The following DCX variants were observed in gnomAD, a reference collection of about 807,000 sequenced individuals.
The protein encoded by DCX is doublecortin.
In DCX, 4 loss-of-function variants were observed where a neutral mutation model predicts 20.9. The ratio of observed to expected loss-of-function variants is 0.19; its 90% CI spans 0.09 to 0.44. The LOEUF (loss-of-function observed/expected upper bound fraction) is 0.44. DCX is among the 20% of genes least tolerant of loss of function. DCX has a pLI of 0.99. For missense variants in DCX, 133 were observed against 296.9 expected (o/e 0.45, Z 4.06); for synonymous variants, 103 against 111.4 (o/e 0.92, Z 0.47).
At chrX:111,402,939 C>A (rs1049263488) in intron 2 of DCX, among the ~76,000 whole-genome samples, 1 of 110,182 alleles carries the variant, frequency 9.1e-6, no homozygotes, top group African/African-American at 3.3e-5. Context: ...AGGATAGGCA[C>A]CCTTACCCAC....
At chrX:111,390,232 G>T (rs1327574002) in intron 3 of DCX, among the ~76,000 whole-genome samples, 2 of 111,613 alleles carry the variant, frequency 1.8e-5, no homozygotes, top group East Asian at 5.7e-4. Flanking sequence ...GAAGGACATG[G>T]GAATTGAAAT....
At chrX:111,374,673 C>A (rs936029040) in intron 3 of DCX, among the ~76,000 whole-genome samples, 1 of 110,279 alleles carries the variant, frequency 9.1e-6, no homozygotes, top group African/African-American at 3.3e-5. Context: ...TCTCAACTAG[C>A]ACCTTTCTCC....
chrX:111,319,364 A>G (rs1207501895), intron 5 of DCX, among the ~76,000 whole-genome samples: 2 of 111,073 alleles, frequency 1.8e-5, no homozygotes, highest in Non-Finnish European at 3.8e-5. Flanking sequence ...AATGAACACC[A>G]TGGTAGATAG....
intron 3 of DCX, among the ~76,000 whole-genome samples, chrX:111,361,377 G>T (rs1924194480): frequency 8.9e-6 from 1 of 111,982 alleles, no homozygotes; most frequent in South Asian, 3.7e-4. Context: ...CTAGTAAGAG[G>T]AATTTTTGTT....
chrX:111,320,090 A>G (rs2095082961), intron 5 of DCX, among the ~76,000 whole-genome samples: 1 of 112,666 alleles, frequency 8.9e-6, no homozygotes, highest in African/African-American at 3.2e-5. Context: ...GTAAAAATGC[A>G]GACACTTTGT....
At chrX:111,368,901 T>TATATATACAC (rs1467693516) in intron 3 of DCX, among the ~76,000 whole-genome samples, 3 of 98,265 alleles carry the variant, frequency 3.1e-5, no homozygotes, top group African/African-American at 1.1e-4. Context: ...TATATATACA[T>TATATATACAC]ACACACACAC....
intron 3 of DCX, among the ~76,000 whole-genome samples, chrX:111,333,681 C>T (rs751649876): frequency 8.9e-6 from 1 of 111,877 alleles, no homozygotes; most frequent in African/African-American, 3.2e-5. Context: ...AAAAGCTGGC[C>T]GAAAACTTGG....
At chrX:111,312,083 G>A (rs1266699307) in intron 6 of DCX, among the ~76,000 whole-genome samples, 3 of 112,705 alleles carry the variant, frequency 2.7e-5, no homozygotes, top group Non-Finnish European at 3.7e-5. Flanking sequence ...AGTTTAAGGG[G>A]TATACATGGT....
At chrX:111,323,706 G>T (rs1603414400) in intron 5 of DCX, among the ~76,000 whole-genome samples, 4 of 106,163 alleles carry the variant, frequency 3.8e-5, no homozygotes, top group African/African-American at 1.4e-4. Context: ...CATTATTATG[G>T]CAGGGGAAGC....
At chrX:111,344,077 G>A (rs1188077602) in intron 3 of DCX, among the ~76,000 whole-genome samples, 1 of 112,098 alleles carries the variant, frequency 8.9e-6, no homozygotes, top group African/African-American at 3.2e-5. Flanking sequence ...ATGCAAGGCT[G>A]GTTGAACATA....
intron 5 of DCX, among the ~76,000 whole-genome samples, chrX:111,314,927 T>C (rs1486532219): frequency 2.8e-5 from 3 of 106,789 alleles, no homozygotes; most frequent in Non-Finnish European, 5.7e-5. Context: ...TTCACTCTGA[T>C]GGTAGTTTCT....
chrX:111,314,275 G>A (rs1329971739), intron 5 of DCX, among the ~76,000 whole-genome samples: 1 of 112,087 alleles, frequency 8.9e-6, no homozygotes, highest in Non-Finnish European at 1.9e-5. Flanking sequence ...TAGCTATGGA[G>A]CTCTACCTAT....
Position 111,295,849 on chromosome X carries a change from G to C in DCX, c.*5838C>G, listed in dbSNP as rs906765751. ...AACTGCTTGTAAAGATCTGCTGAGGGGGATTACGAATGAAAATGGAGAAGA... is the reference window on the plus strand; with the variant it reads ...AACTGCTTGTAAAGATCTGCTGAGGCGGATTACGAATGAAAATGGAGAAGA... On this transcript the variant is annotated 3_prime_UTR_variant, in exon 7 of 7. Coordinates refer to ENST00000636035, the MANE Select transcript of DCX (RefSeq NM_001195553.2). The C allele has an allele frequency of 8.9e-6, 1 of 111,796 alleles. No homozygotes were observed. The highest frequency in any genetic ancestry group is 3.3e-5 in the African/African-American group (1 of 30,658). 9.2% of individuals were successfully genotyped at this position (111,796 alleles called of 1,213,427 possible). A position where few individuals can be genotyped will look rare whatever the true frequency, so the allele number is the denominator to read the frequency against.
At chrX:111,337,242 A>G (rs986897982) in intron 3 of DCX, among the ~76,000 whole-genome samples, 3 of 112,160 alleles carry the variant, frequency 2.7e-5, no homozygotes, top group Admixed American at 1.9e-4. Context: ...CATCAGCTTC[A>G]GTATGAATCA....
chrX:111,316,319 C>T lies in DCX; in HGVS notation c.947-3583G>A, dbSNP rs997115134. ...CAATCTCGGCTCACTGCAACCTCCA[C>T]CTCTCAGGTTCAAGTGATTCTCCTG... On this transcript the variant is annotated intron_variant, in intron 5 of 6. Transcript: ENST00000636035. Among the ~76,000 whole-genome samples, 5 of 110,933 alleles carry T rather than the reference C, an allele frequency of 4.5e-5. No homozygotes were observed. The Admixed American group carries it at 4.8e-4, about 11-fold the overall frequency.
At chrX:111,394,411 T>A (rs907070739) in intron 3 of DCX, among the ~76,000 whole-genome samples, 1 of 112,067 alleles carries the variant, frequency 8.9e-6, no homozygotes, top group Non-Finnish European at 1.9e-5. Context: ...TTAAAATTGA[T>A]TGTGGTGATG....
At chrX:111,341,876 C>T (rs1478133687) in intron 3 of DCX, among the ~76,000 whole-genome samples, 2 of 110,591 alleles carry the variant, frequency 1.8e-5, no homozygotes, top group Non-Finnish European at 3.8e-5. Flanking sequence ...CTGAAAGAAG[C>T]ACTAAATATG....
At chrX:111,399,917 C>G (rs1000997852) in intron 3 of DCX, among the ~76,000 whole-genome samples, 9 of 111,717 alleles carry the variant, frequency 8.1e-5, no homozygotes, top group Admixed American at 4.8e-4. Flanking sequence ...TACACAGTAC[C>G]TGGGTGAGTT....
chrX:111,405,075 G>A (rs1468541487), intron 2 of DCX, among the ~76,000 whole-genome samples: 4 of 112,363 alleles, frequency 3.6e-5, no homozygotes, highest in African/African-American at 6.5e-5. Flanking sequence ...ATGAAATCAT[G>A]GAAGCACAGC....
Sources: gnomAD v4.1 joint callset for allele counts (sites outside exome capture counted in the v4.1 genomes callset) on GRCh38, gnomAD v4.1.1 for gene constraint, MANE v1.5 for transcripts, NCBI Gene and HGNC (gene_info 2026-07-23, HGNC 2026-07-21) for gene names.